APBB2: variants seen among roughly 807,000 people sequenced by gnomAD.
APBB2 encodes the protein Fe65-like 1.
APBB2 carries 38 observed loss-of-function variants against 82.5 expected under a neutral mutation model. The observed-to-expected ratio is 0.46, with a 90% confidence interval of 0.36 to 0.60. APBB2 has a LOEUF of 0.60. Ranked by LOEUF, APBB2 falls within the 20% of genes least tolerant of loss-of-function variation. The pLI, the probability that APBB2 is intolerant of heterozygous loss-of-function variation, is 0.00. For missense variants in APBB2, 772 were observed against 972.3 expected (o/e 0.79, Z 2.74); for synonymous variants, 341 against 368.2 (o/e 0.93, Z 0.85).
At chr4:41,088,032 G>T (rs1230300325) in intron 3 of APBB2, among the ~76,000 whole-genome samples, 1 of 152,176 alleles carries the variant, frequency 6.6e-6, no homozygotes, top group African/African-American at 2.4e-5. Context: ...TTCAAAACTT[G>T]TATGAGGTAC....
At chr4:41,065,172 A>C (rs567899224) in intron 4 of APBB2, among the ~76,000 whole-genome samples, 2 of 152,200 alleles carry the variant, frequency 1.3e-5, no homozygotes, top group East Asian at 3.9e-4. Flanking sequence ...TGTAGTCCCA[A>C]TTGCACCGTA....
intron 6 of APBB2, among the ~76,000 whole-genome samples, chr4:41,009,291 T>A (rs1375614984): frequency 6.9e-6 from 1 of 145,290 alleles, no homozygotes; most frequent in African/African-American, 2.9e-5. Context: ...ACCTTTCTTT[T>A]AGAATCAGGG....
intron 11 of APBB2, chr4:40,892,945 A>G (rs1030127356): frequency 1.8e-5 from 4 of 217,780 alleles, no homozygotes; most frequent in African/African-American, 9.1e-5. Context: ...CCAGTCTGCA[A>G]AACTGCTCTT....
At chr4:40,828,483 C>A (rs1030051198) in intron 13 of APBB2, among the ~76,000 whole-genome samples, 2 of 152,108 alleles carry the variant, frequency 1.3e-5, no homozygotes, top group Admixed American at 6.6e-5. Flanking sequence ...AGAGGGCTGC[C>A]GACAAGAATA....
At chr4:41,202,897 T>G (rs1286582732) in intron 1 of APBB2, among the ~76,000 whole-genome samples, 1 of 152,216 alleles carries the variant, frequency 6.6e-6, no homozygotes, top group African/African-American at 2.4e-5. Flanking sequence ...TCACAAATGT[T>G]CGTATAAAAA....
At chr4:41,015,339 T>C (rs1038594964) in intron 5 of APBB2, among the ~76,000 whole-genome samples, 4 of 152,228 alleles carry the variant, frequency 2.6e-5, no homozygotes, top group African/African-American at 9.6e-5. Context: ...GGTTTCAGAT[T>C]TCTCAATCTA....
chr4:40,911,670 C>T (rs1367005188), intron 10 of APBB2, among the ~76,000 whole-genome samples: 1 of 152,126 alleles, frequency 6.6e-6, no homozygotes, highest in South Asian at 2.1e-4. Context: ...CAGACTGGAG[C>T]CCATATCCAA....
chr4:40,829,676 T>C (rs1751195148), intron 13 of APBB2, among the ~76,000 whole-genome samples: 1 of 149,552 alleles, frequency 6.7e-6, no homozygotes, highest in African/African-American at 2.5e-5. Flanking sequence ...TGGGAGTCCA[T>C]GGGTGTGTAG....
intron 1 of APBB2, among the ~76,000 whole-genome samples, chr4:41,156,248 G>A (rs1450929003): frequency 6.6e-6 from 1 of 152,096 alleles, no homozygotes; most frequent in Non-Finnish European, 1.5e-5. Flanking sequence ...AATTAATTGA[G>A]GGGAAAAAAA....
intron 6 of APBB2, among the ~76,000 whole-genome samples, chr4:41,010,817 G>A (rs1808134836): frequency 6.6e-6 from 1 of 152,170 alleles, no homozygotes; most frequent in African/African-American, 2.4e-5. Context: ...TCTAATTGGA[G>A]TAACTTTTTC....
intron 3 of APBB2, among the ~76,000 whole-genome samples, chr4:41,074,512 A>G (rs1223676644): frequency 6.6e-6 from 1 of 152,208 alleles, no homozygotes; most frequent in African/African-American, 2.4e-5. Context: ...GAACTTCTAC[A>G]TACTCTCAAT....
At chr4:40,985,280 C>CT (rs1236199341) in intron 6 of APBB2, among the ~76,000 whole-genome samples, 1 of 56,870 alleles carries the variant, frequency 1.8e-5, no homozygotes, top group African/African-American at 3.7e-5. Context: ...TATGTCTTTT[C>CT]TTAAAAAAAA....
At chr4:40,971,533 T>C (rs777613698) in intron 6 of APBB2, among the ~76,000 whole-genome samples, 1 of 152,230 alleles carries the variant, frequency 6.6e-6, no homozygotes, top group Non-Finnish European at 1.5e-5. Flanking sequence ...CCATTCTCTT[T>C]AAATTTTCCC....
rs1169480410 is a variant in APBB2 at position 40,810,185 on chromosome 4, TCTTA to T, written c.*5903_*5906del. 6.6e-6 allele frequency: 1 copy of T among 152,236 alleles called. No individual in the cohort carries two copies. The highest frequency in any genetic ancestry group is 1.5e-5 in the Non-Finnish European group (1 of 68,036). 9.4% of individuals were successfully genotyped at this position (152,236 alleles called of 1,614,324 possible). On this transcript the variant is annotated 3_prime_UTR_variant, in exon 18 of 18. Transcript: ENST00000508593. ...CAGCTCTGATATTCTATTTTTACTTTCTTACTTGAAGTGAGAAAAGAGAATGGTG... is the reference window on the plus strand; with the variant it reads ...CAGCTCTGATATTCTATTTTTACTTTCTTGAAGTGAGAAAAGAGAATGGTG...
chr4:41,101,586 G>C (rs141901088), intron 2 of APBB2, among the ~76,000 whole-genome samples: 1 of 149,868 alleles, frequency 6.7e-6, no homozygotes, highest in East Asian at 2.0e-4. Context: ...AATTTCTGCA[G>C]ATAAGAATGG....
intron 4 of APBB2, among the ~76,000 whole-genome samples, chr4:41,036,655 C>T (rs1225976486): frequency 6.6e-6 from 1 of 152,100 alleles, no homozygotes; most frequent in African/African-American, 2.4e-5. Context: ...AACCACAGGC[C>T]AGACTGGAGA....
At chr4:41,017,430 G>C (rs1810311195) in intron 5 of APBB2, among the ~76,000 whole-genome samples, 1 of 152,136 alleles carries the variant, frequency 6.6e-6, no homozygotes, top group Non-Finnish European at 1.5e-5. Flanking sequence ...GAAAGATCAA[G>C]GCTACAAGAA....
intron 1 of APBB2, among the ~76,000 whole-genome samples, chr4:41,202,629 T>A (rs1244018569): frequency 6.6e-6 from 1 of 152,200 alleles, no homozygotes; most frequent in East Asian, 1.9e-4. Context: ...CTGCATCACA[T>A]AGAAACATTC....
At chr4:40,844,598 T>A (rs1316224757) in intron 12 of APBB2, among the ~76,000 whole-genome samples, 1 of 151,960 alleles carries the variant, frequency 6.6e-6, no homozygotes, top group Non-Finnish European at 1.5e-5. Context: ...TGCTGGAGAG[T>A]CACCCCTTGG....
Sources: gnomAD v4.1 joint callset for allele counts (sites outside exome capture counted in the v4.1 genomes callset) on GRCh38, gnomAD v4.1.1 for gene constraint, MANE v1.5 for transcripts, NCBI Gene and HGNC (gene_info 2026-07-23, HGNC 2026-07-21) for gene names.